Variants in MAPK4 observed in about 807,000 individuals in gnomAD.
The protein encoded by MAPK4 is Erk3-related.
A neutral mutation model predicts 47.7 loss-of-function variants in MAPK4; 22 were observed. That is an observed-to-expected ratio of 0.46 (90% CI 0.33 to 0.66). The LOEUF (loss-of-function observed/expected upper bound fraction) is 0.66, where lower values mean the gene tolerates loss of function less well. Ranked by LOEUF, MAPK4 falls within the 30% of genes least tolerant of loss-of-function variation. MAPK4 has a pLI of 0.02. For synonymous variants in MAPK4, 390 were observed against 365.7 expected, an observed-to-expected ratio of 1.07 and a Z score of -0.76; for missense variants, 736 against 831.7, an observed-to-expected ratio of 0.88 and a Z score of 1.42.
chr18:50,674,155 G>A (rs1003645298), intron 2 of MAPK4, among the ~76,000 whole-genome samples: 3 of 152,148 alleles, frequency 2.0e-5, no homozygotes, highest in African/African-American at 7.2e-5. Context: ...TGGTGTAAAG[G>A]ACCCGACCTT....
chr18:50,663,857 G>A lies in MAPK4; in HGVS notation c.-102G>A. The A allele has an allele frequency of 2.0e-6, 2 of 1,011,738 alleles. No individual in the cohort carries two copies. The highest frequency in any genetic ancestry group is 2.9e-6 in the Non-Finnish European group (2 of 682,390). 62.7% of individuals were successfully genotyped at this position (1,011,738 alleles called of 1,614,324 possible). A position where few individuals can be genotyped will look rare whatever the true frequency, so the allele number is the denominator to read the frequency against. On this transcript the variant is annotated 5_prime_UTR_variant, in exon 2 of 6. Transcript: ENST00000400384. ...GAGAAAACACATCCCTCAGCCGTGGGACTTGACAGAATGAGGTGCGCGAGG... is the reference window on the plus strand; with the variant it reads ...GAGAAAACACATCCCTCAGCCGTGGAACTTGACAGAATGAGGTGCGCGAGG...
In MAPK4 at chr18:50,677,994, G is replaced by A. The variant is rs76261268; in HGVS notation, c.546+13490G>A. ...GGGAAATAGGACAACCTCCTCATAG[G>A]TAGAGTGGGCAGGTACTAACTAGTG... On this transcript the variant is annotated intron_variant, in intron 2 of 5. Coordinates refer to ENST00000400384, the MANE Select transcript of MAPK4 (RefSeq NM_002747.4). Among the ~76,000 whole-genome samples the A allele has an allele frequency of 2.3e-3, 350 of 152,268 alleles. 4 individuals are homozygous for A. The highest frequency in any genetic ancestry group is 8.3e-3 in the African/African-American group (343 of 41,548).
At chr18:50,698,745 T>C (rs1909631995) in intron 2 of MAPK4, among the ~76,000 whole-genome samples, 1 of 152,170 alleles carries the variant, frequency 6.6e-6, no homozygotes, top group South Asian at 2.1e-4. Flanking sequence ...AATTCAGTAA[T>C]ATAGCCAAGC....
At chr18:50,709,696 T>C (rs1014055783) in intron 2 of MAPK4, among the ~76,000 whole-genome samples, 2 of 152,154 alleles carry the variant, frequency 1.3e-5, no homozygotes, top group African/African-American at 4.8e-5. Context: ...CCTGGCAGTA[T>C]GAAAGTGATG....
At chr18:50,684,963 C>T (rs1908791574) in intron 2 of MAPK4, among the ~76,000 whole-genome samples, 1 of 152,214 alleles carries the variant, frequency 6.6e-6, no homozygotes, top group Admixed American at 6.5e-5. Context: ...TGGCTGTCCT[C>T]CATCTCCTTC....
chr18:50,695,882 C>G (rs1197158240), intron 2 of MAPK4, among the ~76,000 whole-genome samples: 1 of 152,142 alleles, frequency 6.6e-6, no homozygotes, highest in Non-Finnish European at 1.5e-5. Flanking sequence ...TGACAGCAAC[C>G]CTATGAAGTA....
chr18:50,561,757 A>G (rs527769581), intron 1 of MAPK4, among the ~76,000 whole-genome samples: 48 of 152,306 alleles, frequency 3.2e-4, no homozygotes, highest in African/African-American at 1.1e-3. Context: ...GTACACTTCT[A>G]TGCTTGAGGG....
At chr18:50,707,479 G>A (rs185207469) in intron 2 of MAPK4, among the ~76,000 whole-genome samples, 169 of 150,958 alleles carry the variant, frequency 1.1e-3, no homozygotes, top group Middle Eastern at 6.9e-3. Flanking sequence ...GTTAAAGCCC[G>A]AGGATCGCTT....
At chr18:50,597,505 T>C (rs143244545) in intron 1 of MAPK4, among the ~76,000 whole-genome samples, 294 of 152,350 alleles carry the variant, frequency 1.9e-3, no homozygotes, top group African/African-American at 6.6e-3. Context: ...GCCATGAGCA[T>C]GTAATTAACT....
intron 1 of MAPK4, among the ~76,000 whole-genome samples, chr18:50,599,641 A>G (rs2042517592): frequency 6.6e-6 from 1 of 151,680 alleles, no homozygotes; most frequent in Non-Finnish European, 1.5e-5. Flanking sequence ...CTGGTCTTGA[A>G]CTCCTGGGCT....
chr18:50,593,501 CAG>C (rs891514021), intron 1 of MAPK4, among the ~76,000 whole-genome samples: 10 of 152,340 alleles, frequency 6.6e-5, no homozygotes, highest in Non-Finnish European at 8.8e-5. Context: ...TCTTTCTGAG[CAG>C]AGAGTCCTCT....
chr18:50,643,384 G>C (rs1285859012), intron 1 of MAPK4, among the ~76,000 whole-genome samples: 1 of 152,212 alleles, frequency 6.6e-6, no homozygotes. Context: ...ATGGCATGGT[G>C]GTGCACACTT....
intron 2 of MAPK4, among the ~76,000 whole-genome samples, chr18:50,673,410 A>C (rs1192246346): frequency 6.6e-6 from 1 of 152,254 alleles, no homozygotes; most frequent in Non-Finnish European, 1.5e-5. Context: ...CTCCTGAAGA[A>C]TTCAACAGGC....
chr18:50,594,486 A>G (rs1046395547), intron 1 of MAPK4, among the ~76,000 whole-genome samples: 1 of 152,224 alleles, frequency 6.6e-6, no homozygotes, highest in East Asian at 1.9e-4. Context: ...TGACAGACAC[A>G]GTTGATTCGA....
In MAPK4 at chr18:50,674,391, G is replaced by A. The variant is rs77165898; in HGVS notation, c.546+9887G>A. On this transcript the variant is annotated intron_variant, in intron 2 of 5. Transcript: ENST00000400384. The stretch of plus-strand genomic sequence containing the variant: ...ACAGTAGTATAGAAATAGAAGGCTC[G>A]GTGGGGGTGTGGGCATCGCATTGCT... 9.9e-3 allele frequency among the ~76,000 whole-genome samples: 1,500 copies of A among 152,256 alleles called. 25 individuals carry two copies. Among genetic ancestry groups the A allele is most frequent in the African/African-American group, 0.032 (1,321 of 41,540 alleles).
At chr18:50,695,403 G>A (rs1256235298) in intron 2 of MAPK4, among the ~76,000 whole-genome samples, 1 of 148,418 alleles carries the variant, frequency 6.7e-6, no homozygotes, top group Non-Finnish European at 1.5e-5. Context: ...AAAGTGTCAT[G>A]TATAGCCAGT....
At chr18:50,583,976 A>T (rs1295426579) in intron 1 of MAPK4, among the ~76,000 whole-genome samples, 1 of 152,172 alleles carries the variant, frequency 6.6e-6, no homozygotes, top group African/African-American at 2.4e-5. Flanking sequence ...TGGGGGCATA[A>T]ATGTCTGTCT....
chr18:50,611,454 C>G (rs2042632412), intron 1 of MAPK4, among the ~76,000 whole-genome samples: 1 of 152,192 alleles, frequency 6.6e-6, no homozygotes, highest in South Asian at 2.1e-4. Context: ...TGCAGAAAAT[C>G]TGCAACAGAG....
intron 2 of MAPK4, among the ~76,000 whole-genome samples, chr18:50,671,233 T>C (rs1409485081): frequency 6.6e-6 from 1 of 152,170 alleles, no homozygotes; most frequent in Non-Finnish European, 1.5e-5. Context: ...AACTGCCTGC[T>C]ACCCCATGGC....
Sources: gnomAD v4.1 joint callset for allele counts (sites outside exome capture counted in the v4.1 genomes callset) on GRCh38, gnomAD v4.1.1 for gene constraint, MANE v1.5 for transcripts, NCBI Gene and HGNC (gene_info 2026-07-23, HGNC 2026-07-21) for gene names.